Variants in ANGPT4 observed in about 807,000 individuals in gnomAD.
ANGPT4 encodes the protein angiopoietin-4.
In ANGPT4, 50 loss-of-function variants were observed where a neutral mutation model predicts 53.0. The observed-to-expected ratio is 0.94, with a 90% confidence interval of 0.75 to 1.20. The LOEUF is 1.20. Ranked by LOEUF, ANGPT4 falls within the 50% of genes most tolerant of loss-of-function variation. ANGPT4 has a pLI of 0.00. For synonymous variants in ANGPT4, 251 were observed against 259.7 expected, an observed-to-expected ratio of 0.97 and a Z score of 0.32; for missense variants, 648 against 637.1, an observed-to-expected ratio of 1.02 and a Z score of -0.18.
chr20:908,842 A>AT lies in ANGPT4; in HGVS notation c.309+7063dup, dbSNP rs1445503599. Among the ~76,000 whole-genome samples, 2 of 151,994 alleles carry AT rather than the reference A, an allele frequency of 1.3e-5. No individual in the cohort carries two copies. Among genetic ancestry groups the AT allele is most frequent in the East Asian group, 1.9e-4 (1 of 5,188 alleles). Reference sequence around the variant, plus strand: ...AGTCCCAGAATTGAAAGGATGCATGATTTTTTCATGACATTTATGGCATGC... The same window carrying AT: ...AGTCCCAGAATTGAAAGGATGCATGATTTTTTTCATGACATTTATGGCATGC... On this transcript the variant is annotated intron_variant, in intron 1 of 8. Coordinates refer to ENST00000381922, the MANE Select transcript of ANGPT4 (RefSeq NM_015985.4). The surrounding 1 kb of genome is among the most constrained non-coding windows in gnomAD (Gnocchi z 4.9).
chr20:896,470 C>T (rs1444881914), intron 1 of ANGPT4, among the ~76,000 whole-genome samples: 1 of 152,054 alleles, frequency 6.6e-6, no homozygotes, highest in East Asian at 1.9e-4. Flanking sequence ...GAATTCCAGG[C>T]AGAGGAAAAG....
At chr20:886,334 A>G (rs1182979352) in intron 3 of ANGPT4, among the ~76,000 whole-genome samples, 1 of 152,230 alleles carries the variant, frequency 6.6e-6, no homozygotes, top group Non-Finnish European at 1.5e-5. Context: ...AAAAGCAGGG[A>G]CCACATATGG....
At chr20:887,253 G>C (rs1303696073) in intron 3 of ANGPT4, among the ~76,000 whole-genome samples, 1 of 152,144 alleles carries the variant, frequency 6.6e-6, no homozygotes, top group East Asian at 1.9e-4. Context: ...TAGAATTCCT[G>C]CCCTGTCTTC....
At chr20:880,503 A>G (rs1222531216) in intron 5 of ANGPT4, among the ~76,000 whole-genome samples, 2 of 151,688 alleles carry the variant, frequency 1.3e-5, no homozygotes, top group African/African-American at 4.8e-5. Flanking sequence ...CAGGAGGATC[A>G]CTCGAGCCCA....
At chr20:915,635 C>T (rs916540184) in intron 1 of ANGPT4, among the ~76,000 whole-genome samples, 3 of 152,198 alleles carry the variant, frequency 2.0e-5, no homozygotes, top group African/African-American at 4.8e-5. Context: ...GTATCCCCAG[C>T]ACCCAGGAAG....
At position 872,793 on chromosome 20, in the gene ANGPT4, G is replaced by C. The variant is rs1192958463; in HGVS notation, c.*167C>G. ...TCCATGTCACAGACGGAGGGGAGTT[G>C]GGGGGCAGATGACCCTTCTGGACTT... On this transcript the variant is annotated 3_prime_UTR_variant, in exon 9 of 9. Transcript: ENST00000381922. 23 of 779,922 alleles carry C rather than the reference G, an allele frequency of 2.9e-5. No homozygotes were observed. Among genetic ancestry groups the C allele is most frequent in the Admixed American group, 1.8e-4 (7 of 39,116 alleles). 48.3% of individuals were successfully genotyped at this position (779,922 alleles called of 1,614,324 possible). A position where few individuals can be genotyped will look rare whatever the true frequency, so the allele number is the denominator to read the frequency against.
At position 885,350 on chromosome 20, in the gene ANGPT4, G is replaced by A. The variant is rs558718250; in HGVS notation, c.588-25C>T. On this transcript the variant is annotated intron_variant, in intron 3 of 8. Transcript: ENST00000381922. ...GCTGCGGGGTAGGGGGCGCACAGAG[G>A]TGAGCCTGGCATCCTCGCGAAGCAC... 455 of 1,546,700 alleles carry A rather than the reference G, an allele frequency of 2.9e-4. 1 individual carries two copies. The South Asian group carries it at 5.0e-3, about 17-fold the overall frequency.
intron 1 of ANGPT4, among the ~76,000 whole-genome samples, chr20:913,050 C>T (rs1303036287): frequency 6.6e-6 from 1 of 151,980 alleles, no homozygotes; most frequent in Admixed American, 6.5e-5. Flanking sequence ...TTCTGGGATT[C>T]GCGACAGGAA....
chr20:899,414 A>AT (rs1203040684), intron 1 of ANGPT4, among the ~76,000 whole-genome samples: 26 of 151,514 alleles, frequency 1.7e-4, no homozygotes, highest in South Asian at 4.2e-4. Context: ...CGCCTAGCTA[A>AT]TTTTTTTGTA....
Position 890,385 on chromosome 20 carries a change from G to A in ANGPT4, c.310-17C>T. 1 of 1,603,330 alleles carries A rather than the reference G, an allele frequency of 6.2e-7. No individual in the cohort carries two copies. Among genetic ancestry groups the A allele is most frequent in the Non-Finnish European group, 8.5e-7 (1 of 1,177,432 alleles). ...CCTCTCTAGCTGTGGGAGACCATGGGCTGGGGTCACGGGGGAGGGGCGGGG... is the reference window on the plus strand; with the variant it reads ...CCTCTCTAGCTGTGGGAGACCATGGACTGGGGTCACGGGGGAGGGGCGGGG... On this transcript the variant is annotated splice_polypyrimidine_tract_variant and intron_variant, in intron 1 of 8. Transcript: ENST00000381922.
intron 2 of ANGPT4, among the ~76,000 whole-genome samples, chr20:889,570 G>A (rs1475093270): frequency 1.3e-5 from 2 of 152,166 alleles, no homozygotes; most frequent in Non-Finnish European, 2.9e-5. Context: ...GTGGCAAGTT[G>A]TTGACTGGAA....
intron 1 of ANGPT4, among the ~76,000 whole-genome samples, chr20:902,964 G>A (rs970173331): frequency 1.3e-5 from 2 of 152,168 alleles, no homozygotes; most frequent in Admixed American, 6.5e-5. Flanking sequence ...CTTCCCTGAG[G>A]TCACCCATCA....
At chr20:907,071 C>A (rs1014432319) in intron 1 of ANGPT4, among the ~76,000 whole-genome samples, 1 of 152,188 alleles carries the variant, frequency 6.6e-6, no homozygotes, top group Non-Finnish European at 1.5e-5. Flanking sequence ...CTCTGAACCT[C>A]AGTGGCCTCA....
chr20:900,566 C>T lies in ANGPT4; in HGVS notation c.310-10198G>A, dbSNP rs189889010. ...CCAAAATTCAATTTGCAAATGAGAC[C>T]GAAGAGTTCCCTGTTCCCCTCATGA... On this transcript the variant is annotated intron_variant, in intron 1 of 8. Coordinates refer to ENST00000381922, the MANE Select transcript of ANGPT4 (RefSeq NM_015985.4). 1.1e-4 allele frequency among the ~76,000 whole-genome samples: 16 copies of T among 152,248 alleles called. 1 individual carries two copies. The highest frequency in any genetic ancestry group is 1.0e-3 in the South Asian group (5 of 4,820).
intron 8 of ANGPT4, 129 bp from the exon 9 acceptor site, chr20:873,249 C>G: frequency 3.6e-6 from 1 of 277,910 alleles, no homozygotes; most frequent in Non-Finnish European, 7.0e-6. Flanking sequence ...AGCCAGCTGG[C>G]TGGGGATGGG....
chr20:874,220 G>A, intron 8 of ANGPT4, 64 bp downstream of exon 8: 1 of 1,598,568 alleles, frequency 6.3e-7, no homozygotes, highest in South Asian at 1.1e-5. Flanking sequence ...CCTGGGGAGG[G>A]AATGGGAGTG....
chr20:894,323 C>G (rs1291949764), intron 1 of ANGPT4, among the ~76,000 whole-genome samples: 2 of 152,156 alleles, frequency 1.3e-5, no homozygotes, highest in African/African-American at 2.4e-5. Flanking sequence ...TCTCAGTCCC[C>G]CTCTCAACAG....
intron 8 of ANGPT4, among the ~76,000 whole-genome samples, chr20:873,667 G>C (rs1004473334): frequency 6.6e-6 from 1 of 151,626 alleles, no homozygotes; most frequent in Admixed American, 6.6e-5. Context: ...TTTGTCTCCC[G>C]GCCTCTCCTT....
intron 5 of ANGPT4, among the ~76,000 whole-genome samples, chr20:880,519 T>G (rs1393196825): frequency 6.6e-6 from 1 of 151,666 alleles, no homozygotes; most frequent in Non-Finnish European, 1.5e-5. Flanking sequence ...GCCCAGGAGG[T>G]CAAGGCTGCA....
Sources: gnomAD v4.1 joint callset for allele counts (sites outside exome capture counted in the v4.1 genomes callset) on GRCh38, gnomAD v4.1.1 for gene constraint, Gnocchi (gnomAD v3.1) non-coding constraint, MANE v1.5 for transcripts, NCBI Gene and HGNC (gene_info 2026-07-23, HGNC 2026-07-21) for gene names.